Variants in FAM110B observed in about 807,000 individuals in gnomAD.
FAM110B encodes protein FAM110B.
In FAM110B, 6 loss-of-function variants were observed where a neutral mutation model predicts 20.4. The ratio of observed to expected loss-of-function variants is 0.29; its 90% CI spans 0.16 to 0.58. The LOEUF (loss-of-function observed/expected upper bound fraction) is 0.58, where lower values mean the gene tolerates loss of function less well. FAM110B is among the 20% of genes least tolerant of loss of function. The pLI is 0.90. For synonymous variants in FAM110B, 226 were observed against 214.1 expected (o/e 1.06, Z -0.49); for missense variants, 434 against 498.2 (o/e 0.87, Z 1.23).
At chr8:58,080,618 G>A (rs147375362) in intron 3 of FAM110B, among the ~76,000 whole-genome samples, 22 of 152,302 alleles carry the variant, frequency 1.4e-4, no homozygotes, top group Non-Finnish European at 2.9e-4. Context: ...CCTGTGTTTA[G>A]TGAGCACTGG....
intron 1 of FAM110B, among the ~76,000 whole-genome samples, chr8:58,031,155 T>C (rs1244174970): frequency 1.3e-5 from 2 of 152,234 alleles, no homozygotes; most frequent in Non-Finnish European, 2.9e-5. Context: ...TAGACCTGTC[T>C]TGTGATATCT....
At chr8:58,145,291 G>A (rs1459129654) in intron 3 of FAM110B, among the ~76,000 whole-genome samples, 1 of 151,030 alleles carries the variant, frequency 6.6e-6, no homozygotes, top group African/African-American at 2.4e-5. Context: ...GTTGGCCAAA[G>A]TAAGATAACT....
intron 2 of FAM110B, among the ~76,000 whole-genome samples, chr8:58,061,903 A>C (rs376102150): frequency 6.6e-6 from 1 of 152,230 alleles, no homozygotes; most frequent in African/African-American, 2.4e-5. Context: ...TAAAGCATAC[A>C]TTGTTAACCC....
chr8:58,085,666 C>G (rs1328930557), intron 3 of FAM110B, among the ~76,000 whole-genome samples: 1 of 152,188 alleles, frequency 6.6e-6, no homozygotes, highest in Admixed American at 6.5e-5. Context: ...ACCTCTGGCA[C>G]ATTGATTTAT....
intron 3 of FAM110B, among the ~76,000 whole-genome samples, chr8:58,104,344 G>A (rs1366532680): frequency 1.3e-5 from 2 of 152,138 alleles, no homozygotes; most frequent in Admixed American, 1.3e-4. Context: ...AGACAAAGTA[G>A]AAAATTACCT....
chr8:58,122,868 A>G (rs1161608401), intron 3 of FAM110B, among the ~76,000 whole-genome samples: 1 of 152,166 alleles, frequency 6.6e-6, no homozygotes, highest in Non-Finnish European at 1.5e-5. Flanking sequence ...CTCAGCGTGG[A>G]GGTGGGAGTT....
At chr8:58,082,581 G>GTC (rs1270629838) in intron 3 of FAM110B, among the ~76,000 whole-genome samples, 1 of 152,112 alleles carries the variant, frequency 6.6e-6, no homozygotes, top group Non-Finnish European at 1.5e-5. Flanking sequence ...AAATTTTTCT[G>GTC]TCTCTCTCTA....
intron 1 of FAM110B, among the ~76,000 whole-genome samples, chr8:58,014,105 C>T (rs924720644): frequency 3.3e-5 from 5 of 152,114 alleles, no homozygotes; most frequent in African/African-American, 1.2e-4. Flanking sequence ...CCTAAATTGG[C>T]GTAACCCATG....
At chr8:58,072,516 G>A (rs1333042911) in intron 2 of FAM110B, among the ~76,000 whole-genome samples, 3 of 152,130 alleles carry the variant, frequency 2.0e-5, no homozygotes, top group African/African-American at 7.2e-5. Flanking sequence ...ACCAAAATAT[G>A]TGCTTTTATT....
At chr8:58,004,027 G>A (rs576318565) in intron 1 of FAM110B, among the ~76,000 whole-genome samples, 139 of 152,236 alleles carry the variant, frequency 9.1e-4, no homozygotes, top group Non-Finnish European at 1.6e-3. Context: ...GTTTTTCCAC[G>A]GACTGGGGGA....
chr8:58,112,735 T>G (rs1394222097), intron 3 of FAM110B, among the ~76,000 whole-genome samples: 1 of 152,232 alleles, frequency 6.6e-6, no homozygotes, highest in Non-Finnish European at 1.5e-5. Flanking sequence ...AATATATTCT[T>G]AAGATTCCCA....
chr8:58,052,895 C>T (rs1805478119), intron 2 of FAM110B, among the ~76,000 whole-genome samples: 1 of 146,104 alleles, frequency 6.8e-6, no homozygotes, highest in South Asian at 2.2e-4. Context: ...ACGCCATTCT[C>T]CTGCCTCAGC....
At chr8:58,047,892 A>T (rs935342887) in intron 2 of FAM110B, among the ~76,000 whole-genome samples, 11 of 152,048 alleles carry the variant, frequency 7.2e-5, no homozygotes, top group South Asian at 2.1e-4. Flanking sequence ...TGAAAAAAAA[A>T]TTTTTTTTAA....
chr8:58,050,666 T>A (rs528348724), intron 2 of FAM110B, among the ~76,000 whole-genome samples: 1 of 152,308 alleles, frequency 6.6e-6, no homozygotes, highest in South Asian at 2.1e-4. Context: ...TTCAAATCTC[T>A]TTGGATTCTT....
intron 1 of FAM110B, among the ~76,000 whole-genome samples, chr8:57,995,219 T>C (rs1030540023): frequency 4.6e-5 from 7 of 151,738 alleles, no homozygotes; most frequent in African/African-American, 1.7e-4. Flanking sequence ...CGGTTGCTGC[T>C]GGAGGAGTGG....
intron 2 of FAM110B, among the ~76,000 whole-genome samples, chr8:58,039,936 T>C (rs1805175092): frequency 6.6e-6 from 1 of 152,150 alleles, no homozygotes. Flanking sequence ...AGTGGTGTGG[T>C]CTCTAATTTT....
intron 2 of FAM110B, among the ~76,000 whole-genome samples, chr8:58,035,779 T>G (rs961443196): frequency 9.2e-5 from 14 of 152,334 alleles, no homozygotes; most frequent in African/African-American, 3.4e-4. Flanking sequence ...CATGTGCATT[T>G]GAGTGCAGTG....
chr8:58,025,430 G>A (rs1221825075), intron 1 of FAM110B, among the ~76,000 whole-genome samples: 1 of 152,132 alleles, frequency 6.6e-6, no homozygotes, highest in East Asian at 1.9e-4. Flanking sequence ...TGAATAGCTG[G>A]AACACAGCAA....
chr8:58,064,058 G>A (rs1321660263), intron 2 of FAM110B, among the ~76,000 whole-genome samples: 3 of 152,164 alleles, frequency 2.0e-5, no homozygotes, highest in Non-Finnish European at 2.9e-5. Flanking sequence ...AAGAGAGATG[G>A]GGAAGGTGCC....
Sources: allele counts gnomAD v4.1 joint callset (sites outside exome capture counted in the v4.1 genomes callset), GRCh38; gene constraint gnomAD v4.1.1; transcripts MANE v1.5; gene names NCBI Gene and HGNC (gene_info 2026-07-23, HGNC 2026-07-21).